Variants in C8orf34 observed in about 807,000 individuals in gnomAD.
C8orf34 encodes the protein uncharacterized protein C8orf34.
C8orf34 carries 65 observed loss-of-function variants against 68.3 expected under a neutral mutation model. That is an observed-to-expected ratio of 0.95 (90% CI 0.78 to 1.17). The LOEUF (loss-of-function observed/expected upper bound fraction) is 1.17. Ranked by LOEUF, C8orf34 falls within the 50% of genes most tolerant of loss-of-function variation. C8orf34 has a pLI of 0.00. For synonymous variants in C8orf34, 244 were observed against 241.2 expected (o/e 1.01, Z -0.11); for missense variants, 664 against 655.4 (o/e 1.01, Z -0.14).
At chr8:68,530,515 GT>G in intron 6 of C8orf34, 1 of 496,862 alleles carries the variant, frequency 2.0e-6, no homozygotes. Context: ...TTAAAATTTT[GT>G]TTTGATTGGT....
intron 10 of C8orf34, among the ~76,000 whole-genome samples, chr8:68,751,261 T>G (rs1369812676): frequency 1.3e-5 from 2 of 152,178 alleles, no homozygotes; most frequent in African/African-American, 4.8e-5. Context: ...TACTATAAGC[T>G]GATTTCAAAT....
chr8:68,802,713 G>T lies in C8orf34; in HGVS notation c.1550-13173G>T, dbSNP rs533767274. On this transcript the variant is annotated intron_variant, in intron 12 of 13. Transcript: ENST00000518698. ...AGGTTTCCCCATGTTGCCCAGGCTG[G>T]TCTCAAACTCATGAGCTCAAGCAAT... Among the ~76,000 whole-genome samples the T allele has an allele frequency of 2.0e-5, 3 of 152,172 alleles. 1 individual carries two copies. In the South Asian group the frequency reaches 6.2e-4, roughly 32 times the overall value.
intron 7 of C8orf34, among the ~76,000 whole-genome samples, chr8:68,606,876 A>G (rs1450928465): frequency 1.3e-5 from 2 of 152,114 alleles, no homozygotes; most frequent in African/African-American, 4.8e-5. Flanking sequence ...TTCCTTGTTT[A>G]TTGGATATTT....
chr8:68,650,540 CAG>C, intron 8 of C8orf34, among the ~76,000 whole-genome samples: 1 of 140,030 alleles, frequency 7.1e-6, no homozygotes, highest in South Asian at 2.3e-4. Flanking sequence ...AGTGCAGTGG[CAG>C]GATCTCGGCT....
At chr8:68,776,305 T>C (rs1823515858) in intron 10 of C8orf34, 94 bp from the exon 11 acceptor site, 1 of 862,344 alleles carries the variant, frequency 1.2e-6, no homozygotes, top group African/African-American at 1.7e-5. Context: ...AGCAAATATT[T>C]GGTGTTGCTC....
At chr8:68,485,194 A>T (rs1813022538) in intron 4 of C8orf34, among the ~76,000 whole-genome samples, 3 of 152,232 alleles carry the variant, frequency 2.0e-5, no homozygotes, top group Admixed American at 2.0e-4. Flanking sequence ...GTAATGTGCC[A>T]GTTCTGTGTG....
At chr8:68,334,135 T>C (rs1805748396) in intron 1 of C8orf34, among the ~76,000 whole-genome samples, 1 of 152,222 alleles carries the variant, frequency 6.6e-6, no homozygotes, top group African/African-American at 2.4e-5. Flanking sequence ...TAATATTTTA[T>C]GATTTGAGAT....
intron 7 of C8orf34, among the ~76,000 whole-genome samples, chr8:68,583,727 G>A (rs371640830): frequency 1.3e-5 from 2 of 152,186 alleles, no homozygotes; most frequent in Admixed American, 6.5e-5. Flanking sequence ...ATATTTAAAT[G>A]GCGAAAGAGT....
intron 9 of C8orf34, 140 bp downstream of exon 9, chr8:68,709,219 A>C (rs1402900142): frequency 4.5e-6 from 3 of 664,606 alleles, no homozygotes; most frequent in Non-Finnish European, 8.0e-6. Context: ...CCGCTGGCAC[A>C]CTCCTTGGGG....
chr8:68,624,932 G>A (rs1220537059), intron 7 of C8orf34, among the ~76,000 whole-genome samples: 1 of 144,652 alleles, frequency 6.9e-6, no homozygotes. Flanking sequence ...TTGTGTAGCT[G>A]GTATTTACTA....
rs141931323 is a variant in C8orf34, at chr8:68,690,280, C to T, written c.1242-18714C>T. Among the ~76,000 whole-genome samples the T allele has an allele frequency of 3.3e-5, 5 of 152,016 alleles. No individual in the cohort carries two copies. The East Asian group carries it at 7.8e-4, about 24-fold the overall frequency. ...TATTGTAGGGGAGGCAACATTTCAC[C>T]TCTACCTTCCTAGAATTTTTCAGCT... On this transcript the variant is annotated intron_variant, in intron 8 of 13. Coordinates refer to ENST00000518698, the MANE Select transcript of C8orf34 (RefSeq NM_052958.4).
chr8:68,470,555 G>C (rs1198721398), intron 4 of C8orf34, among the ~76,000 whole-genome samples: 1 of 152,034 alleles, frequency 6.6e-6, no homozygotes. Flanking sequence ...ACCTGGCTGT[G>C]GCCTTCCAGG....
At chr8:68,709,180 A>C (rs1821262148) in intron 9 of C8orf34, 101 bp downstream of exon 9, 5 of 842,060 alleles carry the variant, frequency 5.9e-6, no homozygotes, top group Non-Finnish European at 9.7e-6. Flanking sequence ...CCTTGCATGA[A>C]TTCACTGCAG....
At position 68,576,160 on chromosome 8, in the gene C8orf34, A is replaced by G. The variant is rs886367451; in HGVS notation, c.1105+43011A>G. Among the ~76,000 whole-genome samples, 17 of 147,798 alleles carry G rather than the reference A, an allele frequency of 1.2e-4. No homozygotes were observed. In the East Asian group the frequency reaches 3.1e-3, roughly 27 times the overall value. Reference sequence around the variant, plus strand: ...TCTTTTTACACACACACACACACACATACACACCCACACAAACACATCATC... The same window carrying G: ...TCTTTTTACACACACACACACACACGTACACACCCACACAAACACATCATC... On this transcript the variant is annotated intron_variant, in intron 7 of 13. Coordinates refer to ENST00000518698, the MANE Select transcript of C8orf34 (RefSeq NM_052958.4).
intron 9 of C8orf34, among the ~76,000 whole-genome samples, chr8:68,720,963 TTACTCAAATTGTGTAA>T (rs2129526437): frequency 6.6e-6 from 1 of 152,004 alleles, no homozygotes; most frequent in East Asian, 1.9e-4. Context: ...GCACAAAATA[TTACTCAAATTGTGTAA>T]CCCCCCAAAA....
chr8:68,693,716 G>A (rs1263115012), intron 8 of C8orf34, among the ~76,000 whole-genome samples: 4 of 152,030 alleles, frequency 2.6e-5, no homozygotes, highest in Non-Finnish European at 5.9e-5. Context: ...AACCAGTTGA[G>A]CCTGTGAAAA....
intron 7 of C8orf34, chr8:68,533,952 TA>T (rs1167166300): frequency 1.2e-6 from 1 of 851,284 alleles, no homozygotes; most frequent in Non-Finnish European, 1.4e-6. Context: ...TGTTGTATTT[TA>T]TTTAGAAAGA....
intron 7 of C8orf34, among the ~76,000 whole-genome samples, chr8:68,562,196 A>G (rs1816452180): frequency 1.3e-5 from 2 of 152,216 alleles, no homozygotes; most frequent in Non-Finnish European, 2.9e-5. Context: ...ATGTCAGGAC[A>G]GCTATGATGT....
At chr8:68,371,267 T>C (rs1807548478) in intron 1 of C8orf34, among the ~76,000 whole-genome samples, 1 of 152,230 alleles carries the variant, frequency 6.6e-6, no homozygotes, top group Admixed American at 6.5e-5. Context: ...TTCATTGTAA[T>C]GGTACAATCT....
Sources: allele counts gnomAD v4.1 joint callset (sites outside exome capture counted in the v4.1 genomes callset), GRCh38; gene constraint gnomAD v4.1.1; transcripts MANE v1.5; gene names NCBI Gene and HGNC (gene_info 2026-07-23, HGNC 2026-07-21).